ATP13A3: variants seen among roughly 807,000 people sequenced by gnomAD.
The protein encoded by ATP13A3 is polyamine-transporting ATPase 13A3.
ATP13A3 carries 59 observed loss-of-function variants against 158.1 expected under a neutral mutation model. The observed-to-expected ratio is 0.37, with a 90% confidence interval of 0.30 to 0.46. ATP13A3 has a LOEUF of 0.46. ATP13A3 is among the 20% of genes least tolerant of loss of function. ATP13A3 has a pLI of 1.00. For synonymous variants in ATP13A3, 491 were observed against 504.3 expected, an observed-to-expected ratio of 0.97 and a Z score of 0.35; for missense variants, 1,166 against 1,525.2, an observed-to-expected ratio of 0.76 and a Z score of 3.92.
At chr3:194,410,749 C>A (rs1049463762) in intron 33 of ATP13A3, among the ~76,000 whole-genome samples, 1 of 152,110 alleles carries the variant, frequency 6.6e-6, no homozygotes, top group South Asian at 2.1e-4. Flanking sequence ...TCAAAACATG[C>A]AATTTCTTGT....
At chr3:194,476,296 C>T (rs964994248) in intron 2 of ATP13A3, among the ~76,000 whole-genome samples, 5 of 152,242 alleles carry the variant, frequency 3.3e-5, no homozygotes, top group Non-Finnish European at 5.9e-5. Context: ...TGGACCATCG[C>T]GATGGCAACT....
chr3:194,422,567 A>T (rs9867902), intron 30 of ATP13A3, among the ~76,000 whole-genome samples: 1 of 152,008 alleles, frequency 6.6e-6, no homozygotes, highest in South Asian at 2.1e-4. Flanking sequence ...GAGATTTTTA[A>T]GTATTCAAAG....
At chr3:194,409,248 T>C (rs1219834483) in intron 33 of ATP13A3, among the ~76,000 whole-genome samples, 1 of 152,218 alleles carries the variant, frequency 6.6e-6, no homozygotes, top group Non-Finnish European at 1.5e-5. Context: ...AAAAATGTTA[T>C]AATGGCGCTG....
rs1173679315 is a variant in ATP13A3, at chr3:194,494,165, A to C, written n.631T>G. 4 of 398,318 alleles carry C rather than the reference A, an allele frequency of 1.0e-5. No individual in the cohort carries two copies. Among genetic ancestry groups the C allele is most frequent in the Non-Finnish European group, 1.3e-5 (3 of 226,050 alleles). The allele number at this position is 398,318 out of a possible 1,614,324, so 24.7% of individuals were successfully genotyped here. A position where few individuals can be genotyped will look rare whatever the true frequency, so the allele number is the denominator to read the frequency against. On this transcript the variant is annotated non_coding_transcript_exon_variant, in exon 2 of 33. Transcript: ENST00000687055. This position sits in a 1 kb window ranked among gnomAD's most constrained non-coding sequence, Gnocchi z 4.2. Reference sequence around the variant, plus strand: ...CAGAATGAGTTCATCTCGCATCAAAACTCTGGATTATCTGTTTAAGCACCC... The same window carrying C: ...CAGAATGAGTTCATCTCGCATCAAACCTCTGGATTATCTGTTTAAGCACCC...
chr3:194,419,735 T>C (rs1396583803), intron 31 of ATP13A3, 144 bp downstream of exon 31: 48 of 1,320,700 alleles, frequency 3.6e-5, no homozygotes, highest in Non-Finnish European at 4.4e-5. Flanking sequence ...GCTGCTATTT[T>C]CATTAGGTTC....
chr3:194,449,044 TACACACACAC>T (rs146993933), intron 11 of ATP13A3, among the ~76,000 whole-genome samples: 5,899 of 134,930 alleles, frequency 0.044, 181 homozygotes, highest in African/African-American at 0.086. Context: ...GATCCACCCC[TACACACACAC>T]ACACACACAC....
chr3:194,416,670 T>C (rs1400701826), intron 31 of ATP13A3, among the ~76,000 whole-genome samples: 5 of 151,802 alleles, frequency 3.3e-5, no homozygotes, highest in Admixed American at 3.3e-4. Flanking sequence ...ACATGAAAAA[T>C]ACAGAAAAAG....
chr3:194,456,381 G>A (rs564977528), intron 7 of ATP13A3, among the ~76,000 whole-genome samples: 12 of 151,316 alleles, frequency 7.9e-5, no homozygotes, highest in Admixed American at 3.3e-4. Context: ...TTGTACATTC[G>A]ACTTTAAAAG....
rs989719375 is a variant in ATP13A3, at chr3:194,486,822, G to C, written c.-345C>G. On this transcript the variant is annotated 5_prime_UTR_variant, in exon 1 of 34. Transcript: ENST00000645319. ...GCGCCCGCGGCGGCGGCGTGCAGCC[G>C]GCAGGGCGAGAACAAGGGAGGGCGG... 3.6e-4 allele frequency: 54 copies of C among 151,746 alleles called. No homozygotes were observed. The highest frequency in any genetic ancestry group is 1.2e-3 in the African/African-American group (49 of 41,318). The allele number at this position is 151,746 out of a possible 1,614,324, so 9.4% of individuals were successfully genotyped here.
intron 21 of ATP13A3, among the ~76,000 whole-genome samples, chr3:194,433,159 T>C (rs1014742049): frequency 2.0e-5 from 3 of 149,442 alleles, no homozygotes; most frequent in Admixed American, 1.3e-4. Flanking sequence ...ATAAGTGCTA[T>C]AAGAAATATA....
chr3:194,409,236 G>T (rs551364677), intron 33 of ATP13A3, among the ~76,000 whole-genome samples: 2 of 152,268 alleles, frequency 1.3e-5, no homozygotes, highest in African/African-American at 4.8e-5. Flanking sequence ...CATGCTTGAA[G>T]GAAAAATGTT....
At chr3:194,425,112 A>G (rs923520065) in intron 30 of ATP13A3, among the ~76,000 whole-genome samples, 1 of 152,240 alleles carries the variant, frequency 6.6e-6, no homozygotes, top group African/African-American at 2.4e-5. Context: ...CTGGAGCCAG[A>G]GGCACTATGA....
At chr3:194,462,608 T>TGGTGC (rs1719741646) in intron 2 of ATP13A3, among the ~76,000 whole-genome samples, 1 of 152,228 alleles carries the variant, frequency 6.6e-6, no homozygotes, top group Non-Finnish European at 1.5e-5. Context: ...AACCAGTCCC[T>TGGTGC]GGTGCCAAAA....
intron 30 of ATP13A3, 147 bp downstream of exon 30, chr3:194,425,195 A>T: frequency 2.4e-6 from 2 of 827,572 alleles, no homozygotes; most frequent in Non-Finnish European, 1.8e-6. Flanking sequence ...AATGAAAGTA[A>T]AACAAAACGG....
intron 33 of ATP13A3, among the ~76,000 whole-genome samples, chr3:194,406,422 G>C (rs575850184): frequency 6.6e-6 from 1 of 152,078 alleles, no homozygotes; most frequent in African/African-American, 2.4e-5. Flanking sequence ...TGTAAGGGCA[G>C]CTTTCAATTA....
In ATP13A3 at chr3:194,448,760, C is replaced by T. The variant is rs1027247683; in HGVS notation, c.971-124G>A. The T allele has an allele frequency of 3.0e-6, 3 of 1,011,848 alleles. No homozygotes were observed. Among genetic ancestry groups the T allele is most frequent in the Non-Finnish European group, 4.2e-6 (3 of 720,966 alleles). The allele number at this position is 1,011,848 out of a possible 1,614,324, so 62.7% of individuals were successfully genotyped here. A position where few individuals can be genotyped will look rare whatever the true frequency, so the allele number is the denominator to read the frequency against. ...ATTTTAAATGCTACCATACTGTTTA[C>T]AATAATCACTGAGAGTTGTATATGT... On this transcript the variant is annotated intron_variant, in intron 11 of 33. Coordinates refer to ENST00000645319, the MANE Select transcript of ATP13A3 (RefSeq NM_001367549.1). This position sits in a 1 kb window ranked among gnomAD's most constrained non-coding sequence, Gnocchi z 4.0.
chr3:194,490,163 T>A (rs932654226), upstream of ATP13A3, among the ~76,000 whole-genome samples: 1 of 152,172 alleles, frequency 6.6e-6, no homozygotes, highest in African/African-American at 2.4e-5. This position sits in a 1 kb window ranked among gnomAD's most constrained non-coding sequence, Gnocchi z 4.4. Flanking sequence ...CCTATTTCAC[T>A]AAGAAAACAT....
Position 194,403,073 on chromosome 3 carries a change from C to G in ATP13A3, c.*2846G>C, listed in dbSNP as rs1267289462. 6.6e-6 allele frequency: 1 copy of G among 152,176 alleles called. No individual in the cohort carries two copies. The highest frequency in any genetic ancestry group is 2.4e-5 in the African/African-American group (1 of 41,440). 9.4% of individuals were successfully genotyped at this position (152,176 alleles called of 1,614,324 possible). A position where few individuals can be genotyped will look rare whatever the true frequency, so the allele number is the denominator to read the frequency against. Reference sequence around the variant, plus strand: ...TTTTTAGATATGTCAAAATTGCATGCATGAATATTTTCTAAAGCTTGAATT... The same window carrying G: ...TTTTTAGATATGTCAAAATTGCATGGATGAATATTTTCTAAAGCTTGAATT... On this transcript the variant is annotated 3_prime_UTR_variant, in exon 34 of 34. Coordinates refer to ENST00000645319, the MANE Select transcript of ATP13A3 (RefSeq NM_001367549.1).
chr3:194,453,718 T>C lies in ATP13A3; in HGVS notation c.826A>G (p.Arg276Gly). The change falls in exon 10 of 34, where the codon AGA (arginine) becomes GGA (glycine). Residue 276 changes from arginine to glycine, a missense_variant. By Grantham distance (125) the Arg-to-Gly change is moderately radical. Transcript: ENST00000645319. ...TTCAATTACTTACCTTCATTTACTC[T>C]ACAAACTGAAACTCTTACGGTACTA... The part of the protein sequence containing the change: ...THSTVRVSVC[R>G]VNEEIEEIFS... The C allele has an allele frequency of 6.2e-7, 1 of 1,612,036 alleles. No individual in the cohort carries two copies. The highest frequency in any genetic ancestry group is 8.5e-7 in the Non-Finnish European group (1 of 1,178,186).
Sources: gnomAD v4.1 joint callset for allele counts (sites outside exome capture counted in the v4.1 genomes callset) on GRCh38, gnomAD v4.1.1 for gene constraint, Gnocchi (gnomAD v3.1) non-coding constraint, MANE v1.5 for transcripts, NCBI Gene and HGNC (gene_info 2026-07-23, HGNC 2026-07-21) for gene names.